ZNF469: variants seen among roughly 807,000 people sequenced by gnomAD.
The protein encoded by ZNF469 is zinc finger protein 469.
In ZNF469, 1 loss-of-function variant was observed where a neutral mutation model predicts 1.0. That is an observed-to-expected ratio of 1.00 (90% CI 0.35 to 4.73). ZNF469 has a LOEUF of 4.73. Ranked by LOEUF, ZNF469 falls within the 30% of genes most tolerant of loss-of-function variation. ZNF469 has a pLI of 0.16. For synonymous variants in ZNF469, 2,703 were observed against 2,363.4 expected (o/e 1.14, Z -4.17); for missense variants, 6,100 against 5,356.3 (o/e 1.14, Z -4.33).
chr16:88,376,697 C>T, the ZNF469 span, among the ~76,000 whole-genome samples: 1 of 152,270 alleles, frequency 6.6e-6, no homozygotes, highest in African/African-American at 2.4e-5. Context: ...ACGGCCCCAG[C>T]ACATTCACTG....
chr16:88,317,688 A>G, the ZNF469 span, among the ~76,000 whole-genome samples: 1 of 152,196 alleles, frequency 6.6e-6, no homozygotes, highest in Non-Finnish European at 1.5e-5. Flanking sequence ...TCCAGCCACA[A>G]CTGTCCTCTC....
upstream of ZNF469, among the ~76,000 whole-genome samples, chr16:88,382,272 G>T (rs1049408753): frequency 6.6e-6 from 1 of 152,248 alleles, no homozygotes; most frequent in Non-Finnish European, 1.5e-5. Flanking sequence ...CCTTGGGCAG[G>T]TTCCTTGTCT....
chr16:88,343,157 C>G, the ZNF469 span, among the ~76,000 whole-genome samples: 1 of 149,618 alleles, frequency 6.7e-6, no homozygotes, highest in African/African-American at 2.5e-5. Flanking sequence ...TCACACCTCT[C>G]ATGCTCCTGG....
At chr16:88,379,751 G>A (rs1336492995), upstream of ZNF469, among the ~76,000 whole-genome samples, 1 of 152,166 alleles carries the variant, frequency 6.6e-6, no homozygotes, top group East Asian at 1.9e-4. Flanking sequence ...GGTGGGTGTG[G>A]AACATGGGGA....
At chr16:88,334,845 A>ATG in the ZNF469 span, among the ~76,000 whole-genome samples, 3 of 152,038 alleles carry the variant, frequency 2.0e-5, no homozygotes, top group South Asian at 4.2e-4. Context: ...GGGAGGACAC[A>ATG]TGTGACAGAG....
At chr16:88,317,018 C>A in the ZNF469 span, among the ~76,000 whole-genome samples, 2 of 152,210 alleles carry the variant, frequency 1.3e-5, no homozygotes, top group African/African-American at 4.8e-5. Context: ...CTGGAAGGGG[C>A]AATGCTCCAC....
the ZNF469 span, among the ~76,000 whole-genome samples, chr16:88,262,474 G>A: frequency 9.0e-4 from 137 of 152,238 alleles, 1 homozygote; most frequent in African/African-American, 3.1e-3. This position sits in a 1 kb window ranked among gnomAD's most constrained non-coding sequence, Gnocchi z 4.3. Flanking sequence ...TGCAGGTCAC[G>A]GATGGCTGCA....
At chr16:88,417,225 A>G (rs1373390358) in intron 1 of ZNF469, among the ~76,000 whole-genome samples, 2 of 135,984 alleles carry the variant, frequency 1.5e-5, no homozygotes, top group Non-Finnish European at 3.1e-5. Flanking sequence ...AGGCTCCGCC[A>G]CTGTGTGGCC....
At chr16:88,212,570 C>T in the ZNF469 span, among the ~76,000 whole-genome samples, 5 of 151,550 alleles carry the variant, frequency 3.3e-5, no homozygotes, top group Admixed American at 1.3e-4. Context: ...TCTTTCTTCC[C>T]TTATTTATTT....
rs1397118642 is a variant in ZNF469 at position 88,439,362 on chromosome 16, C to T, written c.*30C>T. 1 of 1,549,490 alleles carries T rather than the reference C, an allele frequency of 6.5e-7. No individual in the cohort carries two copies. The highest frequency in any genetic ancestry group is 1.2e-5 in the South Asian group (1 of 83,870). On this transcript the variant is annotated 3_prime_UTR_variant, in exon 3 of 3. Coordinates refer to ENST00000565624, the MANE Select transcript of ZNF469 (RefSeq NM_001367624.2). The stretch of plus-strand genomic sequence containing the variant: ...TAGGAGCAAGAGCCTGGGACCGGAG[C>T]TGGGCGTTCCTGTCTCGGCCTGCCT...
At chr16:88,132,028 G>A in the ZNF469 span, among the ~76,000 whole-genome samples, 1 of 152,234 alleles carries the variant, frequency 6.6e-6, no homozygotes, top group South Asian at 2.1e-4. Context: ...GCAGCGGCAG[G>A]ACGGCACTCC....
chr16:88,314,549 G>T, the ZNF469 span, among the ~76,000 whole-genome samples: 1 of 148,860 alleles, frequency 6.7e-6, no homozygotes, highest in Non-Finnish European at 1.5e-5. Context: ...TGATGATGCT[G>T]GTGTGGACTG....
the ZNF469 span, among the ~76,000 whole-genome samples, chr16:88,118,455 C>A: frequency 5.3e-5 from 8 of 152,294 alleles, no homozygotes; most frequent in South Asian, 1.7e-3. Context: ...TGGTCCTGCC[C>A]GCCGTGGGCC....
the ZNF469 span, among the ~76,000 whole-genome samples, chr16:88,185,500 C>T: frequency 6.8e-6 from 1 of 146,928 alleles, no homozygotes; most frequent in African/African-American, 2.5e-5. Context: ...GACTATAATA[C>T]ATGCACACAT....
the ZNF469 span, among the ~76,000 whole-genome samples, chr16:88,377,452 C>A: frequency 6.6e-6 from 1 of 152,182 alleles, no homozygotes. Flanking sequence ...CTGTGCAGGA[C>A]GCCCTCGAGG....
the ZNF469 span, among the ~76,000 whole-genome samples, chr16:88,288,774 A>G: frequency 0.057 from 8,626 of 152,286 alleles, 806 homozygotes; most frequent in African/African-American, 0.2. Flanking sequence ...TCCTATGTCA[A>G]AAGCTATGTA....
At chr16:88,153,288 G>C in the ZNF469 span, among the ~76,000 whole-genome samples, 5 of 152,196 alleles carry the variant, frequency 3.3e-5, no homozygotes, top group African/African-American at 1.2e-4. Flanking sequence ...GGCCTGCGGT[G>C]GTGCTGGGCT....
chr16:88,353,949 C>G, the ZNF469 span, among the ~76,000 whole-genome samples: 2 of 152,222 alleles, frequency 1.3e-5, no homozygotes, highest in African/African-American at 4.8e-5. Context: ...CTCAGCCCCT[C>G]CTCACATCCG....
the ZNF469 span, among the ~76,000 whole-genome samples, chr16:88,103,488 C>A: frequency 7.2e-5 from 11 of 152,218 alleles, no homozygotes; most frequent in Admixed American, 7.2e-4. Context: ...GGTGCTGGGG[C>A]TCCTGGGTGG....
Sources: allele counts gnomAD v4.1 joint callset (sites outside exome capture counted in the v4.1 genomes callset), GRCh38; gene constraint gnomAD v4.1.1; non-coding constraint Gnocchi (gnomAD v3.1); transcripts MANE v1.5; gene names NCBI Gene and HGNC (gene_info 2026-07-23, HGNC 2026-07-21).